The following TBCK variants were observed in gnomAD, a reference collection of about 807,000 sequenced individuals.
TBCK encodes TBC1 domain containing kinase.
In TBCK, 99 loss-of-function variants were observed where a neutral mutation model predicts 113.4. The ratio of observed to expected loss-of-function variants is 0.87; its 90% CI spans 0.74 to 1.03. TBCK has a LOEUF of 1.03. Among genes scored for constraint, TBCK ranks in the 50% least tolerant of loss-of-function variants. TBCK has a pLI of 0.00. For missense variants in TBCK, 1,045 were observed against 1,061.3 expected (o/e 0.98, Z 0.21); for synonymous variants, 369 against 370.8 (o/e 1.00, Z 0.05).
intron 25 of TBCK, among the ~76,000 whole-genome samples, chr4:106,075,232 C>T (rs1560609637): frequency 6.6e-6 from 1 of 152,028 alleles, no homozygotes; most frequent in Non-Finnish European, 1.5e-5. Context: ...TCTCTTCTGC[C>T]CCATGCTGAG....
chr4:106,115,300 T>TA (rs1743356545), intron 24 of TBCK, among the ~76,000 whole-genome samples: 4 of 152,138 alleles, frequency 2.6e-5, no homozygotes, highest in African/African-American at 7.2e-5. Context: ...TCTGAACTGG[T>TA]AAGTATATAC....
At chr4:106,264,796 A>G (rs1048015764) in intron 3 of TBCK, among the ~76,000 whole-genome samples, 2 of 151,956 alleles carry the variant, frequency 1.3e-5, no homozygotes, top group African/African-American at 4.8e-5. Context: ...TTGTTTAGCT[A>G]TAAGACATCT....
intron 2 of TBCK, among the ~76,000 whole-genome samples, chr4:106,300,620 T>A (rs189901702): frequency 1.3e-5 from 2 of 152,226 alleles, no homozygotes; most frequent in Non-Finnish European, 2.9e-5. Context: ...ACCAGAACAC[T>A]GTGATGGTCA....
At chr4:106,087,052 T>C (rs960933044) in intron 25 of TBCK, among the ~76,000 whole-genome samples, 18 of 152,286 alleles carry the variant, frequency 1.2e-4, no homozygotes, top group South Asian at 8.3e-4. Flanking sequence ...TCACCACTCC[T>C]ATTCAACACA....
At chr4:106,233,726 T>C (rs538600792) in intron 15 of TBCK, 76 bp from the exon 16 acceptor site, 3 of 1,207,840 alleles carry the variant, frequency 2.5e-6, no homozygotes, top group Admixed American at 2.2e-5. Context: ...ATCTATTTTT[T>C]ACAAATATCT....
At chr4:106,217,068 C>G (rs1290672051) in intron 19 of TBCK, among the ~76,000 whole-genome samples, 1 of 151,730 alleles carries the variant, frequency 6.6e-6, no homozygotes, top group African/African-American at 2.4e-5. Context: ...TCAATATACA[C>G]AAATCAATAA....
intron 20 of TBCK, among the ~76,000 whole-genome samples, chr4:106,205,130 G>T (rs768947736): frequency 2.6e-5 from 4 of 152,168 alleles, no homozygotes; most frequent in Non-Finnish European, 5.9e-5. Flanking sequence ...AGAGCTTTTA[G>T]GCGAAGATTA....
chr4:106,060,506 T>C (rs1445680613), intron 25 of TBCK, among the ~76,000 whole-genome samples: 2 of 151,742 alleles, frequency 1.3e-5, no homozygotes, highest in African/African-American at 4.8e-5. Context: ...TTTAAGTTCT[T>C]TGTTGTGACC....
chr4:106,154,227 G>T (rs537711704), intron 23 of TBCK, among the ~76,000 whole-genome samples: 4 of 151,970 alleles, frequency 2.6e-5, no homozygotes, highest in African/African-American at 4.8e-5. Flanking sequence ...TCTGTGGTGT[G>T]TTTTTTGATT....
intron 2 of TBCK, among the ~76,000 whole-genome samples, chr4:106,306,647 G>A (rs1389280520): frequency 6.6e-6 from 1 of 152,128 alleles, no homozygotes; most frequent in Admixed American, 6.5e-5. Context: ...GTACATGTTT[G>A]TCAAAGCAGT....
rs142688039 is a variant in TBCK at position 106,199,134 on chromosome 4, C to G, written c.1861-4380G>C. On this transcript the variant is annotated intron_variant, in intron 20 of 25. Coordinates refer to ENST00000394708, the MANE Select transcript of TBCK (RefSeq NM_001163435.3). ...TCATTAAATAGTCTCTCAACCCACT[C>G]TAATCAAGTTCTTGCCTCCACCTCA... Among the ~76,000 whole-genome samples, 418 of 152,246 alleles carry G rather than the reference C, an allele frequency of 2.7e-3. 2 individuals carry two copies. Among genetic ancestry groups the G allele is most frequent in the Non-Finnish European group, 4.1e-3 (279 of 67,990 alleles).
chr4:106,071,139 G>A (rs542824944), intron 25 of TBCK, among the ~76,000 whole-genome samples: 1 of 152,042 alleles, frequency 6.6e-6, no homozygotes, highest in South Asian at 2.1e-4. Flanking sequence ...CCTTCTGCTA[G>A]CTTTTGAATT....
chr4:106,280,189 G>A (rs1764446109), intron 3 of TBCK, among the ~76,000 whole-genome samples: 1 of 152,108 alleles, frequency 6.6e-6, no homozygotes, highest in African/African-American at 2.4e-5. Context: ...GATAAATGAT[G>A]TTCAGCCCCT....
intron 25 of TBCK, among the ~76,000 whole-genome samples, chr4:106,082,909 T>C (rs1259070796): frequency 6.6e-6 from 1 of 152,202 alleles, no homozygotes; most frequent in Non-Finnish European, 1.5e-5. Context: ...GTGAGCACAC[T>C]ACCCAGCCAG....
At chr4:106,233,903 A>G (rs779853152) in intron 15 of TBCK, among the ~76,000 whole-genome samples, 1 of 152,054 alleles carries the variant, frequency 6.6e-6, no homozygotes, top group Admixed American at 6.6e-5. Context: ...ACCAGAACAT[A>G]AATGTCATGG....
In TBCK at chr4:106,260,508, T is replaced by C. The variant is rs569129794; in HGVS notation, c.384A>G (p.Gly128=). Reference sequence around the variant, plus strand: ...GTCCAAATTTAGCCAATTTAATATGTCCCTATGATAATAAAGAAAAAAAAC... The same window carrying C: ...GTCCAAATTTAGCCAATTTAATATGCCCCTATGATAATAAAGAAAAAAAAC... ...SPHNILLDRK[G]HIKLAKFGLY... The change falls in exon 5 of 26, where the codon GGA becomes GGG. Residue 128 remains glycine (G), a splice_region_variant and synonymous_variant. Transcript: ENST00000394708. 20 of 1,192,894 alleles carry C rather than the reference T, an allele frequency of 1.7e-5. 1 individual carries two copies. In the South Asian group the frequency reaches 4.1e-4, roughly 25 times the overall value. 73.9% of individuals were successfully genotyped at this position (1,192,894 alleles called of 1,614,324 possible).
intron 20 of TBCK, among the ~76,000 whole-genome samples, chr4:106,208,017 G>C (rs1424125033): frequency 6.6e-6 from 1 of 152,064 alleles, no homozygotes; most frequent in African/African-American, 2.4e-5. Flanking sequence ...ATGATGATTA[G>C]AGGATTGCTA....
intron 3 of TBCK, among the ~76,000 whole-genome samples, chr4:106,270,364 A>G (rs1763368619): frequency 1.3e-5 from 2 of 152,048 alleles, no homozygotes; most frequent in African/African-American, 2.4e-5. Context: ...ATTTTTTCCT[A>G]TCCTTGCACA....
At chr4:106,283,107 G>A (rs1277146948) in intron 3 of TBCK, among the ~76,000 whole-genome samples, 1 of 151,814 alleles carries the variant, frequency 6.6e-6, no homozygotes, top group African/African-American at 2.4e-5. Flanking sequence ...TCATTTGTTT[G>A]AGAAATAAAA....
Sources: allele counts gnomAD v4.1 joint callset (sites outside exome capture counted in the v4.1 genomes callset), GRCh38; gene constraint gnomAD v4.1.1; transcripts MANE v1.5; gene names NCBI Gene and HGNC (gene_info 2026-07-23, HGNC 2026-07-21).